Variants in WFS1 observed in about 807,000 individuals in gnomAD.
WFS1 encodes the protein wolframin.
WFS1 carries 90 observed loss-of-function variants against 68.5 expected under a neutral mutation model. That is an observed-to-expected ratio of 1.31 (90% CI 1.11 to 1.56). WFS1 has a LOEUF of 1.56. Ranked by LOEUF, WFS1 falls within the 40% of genes most tolerant of loss-of-function variation. The pLI, the probability that WFS1 is intolerant of heterozygous loss-of-function variation, is 0.00. For synonymous variants in WFS1, 860 were observed against 540.7 expected (o/e 1.59, Z -8.19); for missense variants, 1,767 against 1,232.6 (o/e 1.43, Z -6.49).
chr4:6,284,801 C>T (rs9993624), intron 2 of WFS1, among the ~76,000 whole-genome samples: 87,857 of 150,076 alleles, frequency 0.59, 26,524 homozygotes, highest in East Asian at 0.93. Context: ...TGCACCAGGT[C>T]GCACAGCACC....
chr4:6,291,838 T>C, intron 5 of WFS1, 79 bp from the exon 6 acceptor site: 1 of 1,451,352 alleles, frequency 6.9e-7, no homozygotes, highest in Non-Finnish European at 9.5e-7. Context: ...CTAGGAACAG[T>C]GCGCCAGTTT....
At chr4:6,300,436 G>C (rs1365826147) in intron 7 of WFS1, among the ~76,000 whole-genome samples, 2 of 152,218 alleles carry the variant, frequency 1.3e-5, no homozygotes, top group Middle Eastern at 3.4e-3. Flanking sequence ...GGCAGAGGGG[G>C]GCTCCAGGCC....
At position 6,301,307 on chromosome 4, in the gene WFS1, G is replaced by GTGCCTGCTCTATGTC; in HGVS notation, c.1514_1528dup (p.Cys505_Val509dup). On this transcript the variant is annotated inframe_insertion, in exon 8 of 8. Coordinates refer to ENST00000226760, the MANE Select transcript of WFS1 (RefSeq NM_006005.3). ...TGGTCGTCCTCAACGTCAGCGTCCC[G>GTGCCTGCTCTATGTC]TGCCTGCTCTATGTCTACCTGCTCT... 1 of 1,611,332 alleles carries GTGCCTGCTCTATGTC rather than the reference G, an allele frequency of 6.2e-7. No individual in the cohort carries two copies. Among genetic ancestry groups the GTGCCTGCTCTATGTC allele is most frequent in the Non-Finnish European group, 8.5e-7 (1 of 1,180,008 alleles).
intron 7 of WFS1, among the ~76,000 whole-genome samples, chr4:6,297,103 C>G (rs1252410282): frequency 6.6e-6 from 1 of 152,216 alleles, no homozygotes; most frequent in Non-Finnish European, 1.5e-5. Context: ...TGCTGGGATT[C>G]AGGCGTGAGA....
chr4:6,298,647 T>C (rs1225057612), intron 7 of WFS1, among the ~76,000 whole-genome samples: 1 of 151,772 alleles, frequency 6.6e-6, no homozygotes, highest in African/African-American at 2.4e-5. Context: ...TGTGTAGACA[T>C]GCATGCACAC....
At chr4:6,296,216 G>A (rs995395802) in intron 7 of WFS1, among the ~76,000 whole-genome samples, 10 of 152,196 alleles carry the variant, frequency 6.6e-5, no homozygotes, top group South Asian at 6.2e-4. Context: ...CCCGCCCTCC[G>A]GTGGGGGGGA....
rs1281003961 is a variant in WFS1 at position 6,300,851 on chromosome 4, G to C, written c.1056G>C (p.Leu352=). The part of the protein sequence containing the change: ...AFFIPLVIFY[L]SFISMVICTL... ...TCATCCCGCTGGTCATCTTCTACCT[G>C]TCCTTCATCTCCATGGTGATCTGCA... The change falls in exon 8 of 8, where the codon CTG becomes CTC. Residue 352 remains leucine, a synonymous_variant. Coordinates refer to ENST00000226760, the MANE Select transcript of WFS1 (RefSeq NM_006005.3). 1 of 1,614,042 alleles carries C rather than the reference G, an allele frequency of 6.2e-7. No individual in the cohort carries two copies. Among genetic ancestry groups the C allele is most frequent in the Non-Finnish European group, 8.5e-7 (1 of 1,180,006 alleles).
chr4:6,278,203 C>T (rs1297890327), intron 2 of WFS1, among the ~76,000 whole-genome samples: 1 of 151,984 alleles, frequency 6.6e-6, no homozygotes, highest in Non-Finnish European at 1.5e-5. Context: ...GACTGAGGCC[C>T]TTGGTCTTCA....
chr4:6,301,600 C>A lies in WFS1; in HGVS notation c.1805C>A (p.Ala602Glu). Residue 602 changes from alanine to glutamate, a missense_variant, in exon 8 of 8, where the codon GCG (alanine) becomes GAG (glutamate). By Grantham distance (107) the Ala-to-Glu change is moderately radical. Coordinates refer to ENST00000226760, the MANE Select transcript of WFS1 (RefSeq NM_006005.3). ...LELTKIAVTVAVCSVPLLLRW... is the reference protein window; with the variant it reads ...LELTKIAVTVEVCSVPLLLRW... The stretch of plus-strand genomic sequence containing the variant: ...CTCACCAAGATCGCAGTCACCGTGG[C>A]GGTCTGTAGTGTGCCCCTGCTGTTG... 1.9e-6 allele frequency: 3 copies of A among 1,614,134 alleles called. No individual in the cohort carries two copies. The highest frequency in any genetic ancestry group is 2.5e-6 in the Non-Finnish European group (3 of 1,180,030).
chr4:6,278,543 G>A (rs927211433), intron 2 of WFS1, among the ~76,000 whole-genome samples: 1 of 152,246 alleles, frequency 6.6e-6, no homozygotes, highest in Admixed American at 6.5e-5. Context: ...GCAGTCCTGA[G>A]AGGGGAAACT....
chr4:6,294,692 C>T, intron 6 of WFS1: 1 of 360,022 alleles, frequency 2.8e-6, no homozygotes, highest in Non-Finnish European at 5.4e-6. Context: ...TCAGCATGCA[C>T]TGGAGGTGCA....
chr4:6,279,659 G>A (rs2109109341), intron 2 of WFS1, among the ~76,000 whole-genome samples: 1 of 152,330 alleles, frequency 6.6e-6, no homozygotes, highest in Non-Finnish European at 1.5e-5. Flanking sequence ...TGGGAGACAG[G>A]AGTGAACAAG....
chr4:6,300,048 G>A (rs555124169), intron 7 of WFS1, among the ~76,000 whole-genome samples: 22 of 152,116 alleles, frequency 1.4e-4, no homozygotes, highest in Non-Finnish European at 2.8e-4. Flanking sequence ...CAGCTCACCC[G>A]GCAGCCCCGT....
chr4:6,286,590 G>A (rs144209446), intron 2 of WFS1, among the ~76,000 whole-genome samples: 46 of 152,344 alleles, frequency 3.0e-4, no homozygotes, highest in African/African-American at 1.0e-3. Context: ...ATATCAAGAT[G>A]TATATACACT....
In WFS1 at chr4:6,283,473, G is replaced by C. The variant is rs1215218643; in HGVS notation, c.233-3620G>C. On this transcript the variant is annotated intron_variant, in intron 2 of 7. Coordinates refer to ENST00000226760, the MANE Select transcript of WFS1 (RefSeq NM_006005.3). The surrounding 1 kb of genome is among the most constrained non-coding windows in gnomAD (Gnocchi z 5.0). ...TTTGCTTCAGGCACGGCTGGATCCAGGGGCTCAGATGATGTCATCAGGAAG... is the reference window on the plus strand; with the variant it reads ...TTTGCTTCAGGCACGGCTGGATCCACGGGCTCAGATGATGTCATCAGGAAG... 6.6e-6 allele frequency among the ~76,000 whole-genome samples: 1 copy of C among 152,216 alleles called. No individual in the cohort carries two copies. The highest frequency in any genetic ancestry group is 1.5e-5 in the Non-Finnish European group (1 of 68,040).
At chr4:6,275,608 GGGGT>G (rs776345473) in intron 1 of WFS1, among the ~76,000 whole-genome samples, 1,859 of 126,670 alleles carry the variant, frequency 0.015, 36 homozygotes, top group Middle Eastern at 0.029. Context: ...GTGGGGGGGG[GGGGT>G]GTGCTTGACC....
chr4:6,284,020 C>T (rs562954884), intron 2 of WFS1, among the ~76,000 whole-genome samples: 10 of 151,956 alleles, frequency 6.6e-5, no homozygotes, highest in Admixed American at 1.3e-4. Context: ...GTCTGCAGGA[C>T]GAGCCCACCA....
intron 6 of WFS1, 140 bp from the exon 7 acceptor site, chr4:6,294,901 G>T: frequency 7.0e-7 from 1 of 1,438,516 alleles, no homozygotes; most frequent in African/African-American, 1.4e-5. Context: ...GCCGCCCAGG[G>T]AAGGGTTTCC....
chr4:6,290,813 C>T (rs1395783897), intron 4 of WFS1, among the ~76,000 whole-genome samples: 1 of 152,178 alleles, frequency 6.6e-6, no homozygotes, highest in African/African-American at 2.4e-5. Flanking sequence ...AGGCTGGTGA[C>T]TGCAGTGAGT....
Sources: allele counts gnomAD v4.1 joint callset (sites outside exome capture counted in the v4.1 genomes callset), GRCh38; gene constraint gnomAD v4.1.1; non-coding constraint Gnocchi (gnomAD v3.1); transcripts MANE v1.5; gene names NCBI Gene and HGNC (gene_info 2026-07-23, HGNC 2026-07-21).